AMPH: variants seen among roughly 807,000 people sequenced by gnomAD.
The protein encoded by AMPH is amphiphysin, also known as amphiphysin (Stiff-Mann syndrome with breast cancer 128kD autoantigen).
In AMPH, 49 loss-of-function variants were observed where a neutral mutation model predicts 99.1. The ratio of observed to expected loss-of-function variants is 0.49; its 90% CI spans 0.39 to 0.63. The LOEUF (loss-of-function observed/expected upper bound fraction) is 0.63. Among genes scored for constraint, AMPH ranks in the 20% least tolerant of loss-of-function variants. The probability of loss-of-function intolerance (pLI) is 0.00; values close to 1 mark genes in which losing one functional copy is unlikely to be tolerated. For missense variants in AMPH, 759 were observed against 863.4 expected (o/e 0.88, Z 1.52); for synonymous variants, 314 against 317.3 (o/e 0.99, Z 0.11).
At chr7:38,490,853 C>T (rs1056362051) in intron 5 of AMPH, among the ~76,000 whole-genome samples, 197 bp downstream of exon 5, 7 of 152,130 alleles carry the variant, frequency 4.6e-5, no homozygotes, top group East Asian at 1.9e-4. Flanking sequence ...TCACTAAAAG[C>T]GAAATGTGAT....
At chr7:38,394,444 A>G (rs550361157) in intron 17 of AMPH, among the ~76,000 whole-genome samples, 1 of 152,334 alleles carries the variant, frequency 6.6e-6, no homozygotes, top group Non-Finnish European at 1.5e-5. Flanking sequence ...CCCTGCTGTC[A>G]GGTGTAGCAA....
At chr7:38,384,995 A>G in intron 20 of AMPH, 70 bp from the exon 21 acceptor site, 1 of 1,347,152 alleles carries the variant, frequency 7.4e-7, no homozygotes, top group South Asian at 1.2e-5. Flanking sequence ...ACAATTAATT[A>G]ATAATGTGTT....
chr7:38,591,856 G>C (rs148612052), intron 1 of AMPH, among the ~76,000 whole-genome samples: 3 of 152,078 alleles, frequency 2.0e-5, no homozygotes, highest in African/African-American at 7.2e-5. Context: ...GATGTCTTTC[G>C]CTGCACATAT....
At chr7:38,557,513 G>A (rs535896738) in intron 1 of AMPH, among the ~76,000 whole-genome samples, 11 of 152,220 alleles carry the variant, frequency 7.2e-5, no homozygotes, top group Non-Finnish European at 1.2e-4. Flanking sequence ...CTGCTGCCAC[G>A]TGAAGCAGGA....
At chr7:38,437,806 C>G (rs984672453) in intron 11 of AMPH, among the ~76,000 whole-genome samples, 1 of 151,220 alleles carries the variant, frequency 6.6e-6, no homozygotes, top group Non-Finnish European at 1.5e-5. Context: ...TCCATTCCCC[C>G]CCAAAAATAA....
At chr7:38,436,226 C>T (rs1396955059) in intron 12 of AMPH, 46 bp downstream of exon 12, 1 of 1,385,406 alleles carries the variant, frequency 7.2e-7, no homozygotes, top group African/African-American at 1.4e-5. Context: ...ACTGAGCTTA[C>T]TGAGGTTTAT....
chr7:38,475,450 G>T, intron 6 of AMPH, 34 bp from the exon 7 acceptor site: 1 of 1,423,012 alleles, frequency 7.0e-7, no homozygotes, highest in Non-Finnish European at 9.9e-7. Flanking sequence ...TTTACACTAA[G>T]AAAGACCATT....
chr7:38,384,705 T>G lies in AMPH; in HGVS notation c.*113A>C, dbSNP rs1784303237. 4 of 861,862 alleles carry G rather than the reference T, an allele frequency of 4.6e-6. No homozygotes were observed. Among genetic ancestry groups the G allele is most frequent in the Non-Finnish European group, 7.4e-6 (4 of 539,838 alleles). 53.4% of individuals were successfully genotyped at this position (861,862 alleles called of 1,614,324 possible). The stretch of plus-strand genomic sequence containing the variant: ...CATTGATACATCTTCCCAAGGTTTG[T>G]CTGGCATCAGTCTGTAAATCATTAA... On this transcript the variant is annotated 3_prime_UTR_variant, in exon 21 of 21. Transcript: ENST00000356264.
intron 5 of AMPH, among the ~76,000 whole-genome samples, chr7:38,480,419 T>C (rs549138602): frequency 5.3e-5 from 8 of 152,182 alleles, no homozygotes; most frequent in Non-Finnish European, 8.8e-5. Flanking sequence ...TCCAATCTCA[T>C]CCCTGCTTCT....
intron 1 of AMPH, among the ~76,000 whole-genome samples, chr7:38,592,776 C>T (rs1228612814): frequency 2.6e-5 from 4 of 151,938 alleles, no homozygotes; most frequent in Non-Finnish European, 5.9e-5. Context: ...GTGGTCTCAC[C>T]TGGTGATCCT....
chr7:38,535,955 T>TA (rs1182650013), intron 1 of AMPH, among the ~76,000 whole-genome samples: 1 of 152,094 alleles, frequency 6.6e-6, no homozygotes, highest in Non-Finnish European at 1.5e-5. Flanking sequence ...GGGACAGTAT[T>TA]AGAAGCCAGG....
intron 2 of AMPH, among the ~76,000 whole-genome samples, chr7:38,517,480 G>A (rs578203620): frequency 1.3e-5 from 2 of 152,138 alleles, no homozygotes; most frequent in Non-Finnish European, 2.9e-5. Flanking sequence ...AGTTTCCTGA[G>A]TGCCCCCCAT....
chr7:38,394,116 G>A lies in AMPH; in HGVS notation c.1497C>T (p.Val499=), dbSNP rs762652237. ...GEEAEAEKAT[V]PAGEGVSLEE... ...CTAAACTTACTCCTTCCCCGGCAGGGACAGTGGCCTTCTCCGCCTCTGCTT... is the reference window on the plus strand; with the variant it reads ...CTAAACTTACTCCTTCCCCGGCAGGAACAGTGGCCTTCTCCGCCTCTGCTT... Residue 499 remains valine (V), a synonymous_variant, in exon 18 of 21, where the codon GTC becomes GTT. Coordinates refer to ENST00000356264, the MANE Select transcript of AMPH (RefSeq NM_001635.4). The A allele has an allele frequency of 6.2e-7, 1 of 1,614,148 alleles. No individual in the cohort carries two copies. Among genetic ancestry groups the A allele is most frequent in the Non-Finnish European group, 8.5e-7 (1 of 1,180,028 alleles).
chr7:38,555,120 A>C (rs532801204), intron 1 of AMPH, among the ~76,000 whole-genome samples: 1 of 152,328 alleles, frequency 6.6e-6, no homozygotes, highest in East Asian at 1.9e-4. Flanking sequence ...ATGTCAGGGC[A>C]AGAGTTAGAA....
intron 1 of AMPH, among the ~76,000 whole-genome samples, chr7:38,569,200 A>G: frequency 6.6e-6 from 1 of 152,152 alleles, no homozygotes; most frequent in Non-Finnish European, 1.5e-5. Context: ...ACCTAAAGTA[A>G]TAGTCTAAAA....
chr7:38,472,036 T>C (rs1787905911), intron 7 of AMPH, among the ~76,000 whole-genome samples: 1 of 152,110 alleles, frequency 6.6e-6, no homozygotes, highest in South Asian at 2.1e-4. Context: ...GAGACTTCAA[T>C]ATCTCACTTT....
At chr7:38,613,158 T>C (rs149541051) in intron 1 of AMPH, among the ~76,000 whole-genome samples, 9 of 152,356 alleles carry the variant, frequency 5.9e-5, no homozygotes, top group African/African-American at 2.2e-4. Flanking sequence ...TTTGAATCCA[T>C]AATTGACTCA....
chr7:38,570,628 T>C (rs1460661195), intron 1 of AMPH, among the ~76,000 whole-genome samples: 2 of 151,922 alleles, frequency 1.3e-5, no homozygotes, highest in Non-Finnish European at 2.9e-5. Context: ...AACATAATGA[T>C]AGTGATAAAA....
chr7:38,458,391 C>CA (rs1787312616), intron 11 of AMPH, among the ~76,000 whole-genome samples: 1 of 151,964 alleles, frequency 6.6e-6, no homozygotes, highest in Non-Finnish European at 1.5e-5. Flanking sequence ...CAAAACCAAA[C>CA]AAAAACACCA....
Sources: allele counts gnomAD v4.1 joint callset (sites outside exome capture counted in the v4.1 genomes callset), GRCh38; gene constraint gnomAD v4.1.1; transcripts MANE v1.5; gene names NCBI Gene and HGNC (gene_info 2026-07-23, HGNC 2026-07-21).